The following SARAF variants were observed in gnomAD, a reference collection of about 807,000 sequenced individuals.
SARAF encodes the protein store-operated calcium entry associated regulatory factor.
Under a neutral mutation model 39.7 loss-of-function variants are expected in SARAF, and 23 were observed. The observed-to-expected ratio is 0.58, with a 90% CI of 0.42 to 0.82. The LOEUF is 0.82. SARAF is among the 40% of genes least tolerant of loss of function. SARAF has a pLI of 0.00. For missense variants in SARAF, 384 were observed against 418.5 expected, an observed-to-expected ratio of 0.92 and a Z score of 0.72; for synonymous variants, 175 against 168.5, an observed-to-expected ratio of 1.04 and a Z score of -0.30.
chr8:30,063,093 T>C lies in SARAF; in HGVS notation c.*795A>G, dbSNP rs1240190473. The C allele has an allele frequency of 6.6e-6, 1 of 152,224 alleles. No individual in the cohort carries two copies. Among genetic ancestry groups the C allele is most frequent in the African/African-American group, 2.4e-5 (1 of 41,468 alleles). The allele number at this position is 152,224 out of a possible 1,614,324, so 9.4% of individuals were successfully genotyped here. On this transcript the variant is annotated 3_prime_UTR_variant, in exon 6 of 6. Transcript: ENST00000256255. Reference sequence around the variant, plus strand: ...CCTAGGCTAATAGAAAGAATGAGACTAAACCCCTTGTTTGTTTTTATTGAT... The same window carrying C: ...CCTAGGCTAATAGAAAGAATGAGACCAAACCCCTTGTTTGTTTTTATTGAT...
chr8:30,068,529 T>A (rs1025977166), intron 3 of SARAF, among the ~76,000 whole-genome samples: 1 of 152,176 alleles, frequency 6.6e-6, no homozygotes. Flanking sequence ...ATAAATGTAA[T>A]ATGCTTTAAT....
At chr8:30,068,954 A>G (rs185489190) in intron 3 of SARAF, among the ~76,000 whole-genome samples, 22 of 152,078 alleles carry the variant, frequency 1.4e-4, no homozygotes, top group Admixed American at 8.5e-4. Flanking sequence ...TCCTAAGGTC[A>G]TAACAAATAT....
chr8:30,070,170 G>C, intron 2 of SARAF, 111 bp from the exon 3 acceptor site: 1 of 980,820 alleles, frequency 1.0e-6, no homozygotes, highest in African/African-American at 1.6e-5. Flanking sequence ...AGCACTTTCG[G>C]AGGCCAAGGC....
intron 3 of SARAF, among the ~76,000 whole-genome samples, chr8:30,067,844 T>C (rs1442166088): frequency 6.6e-6 from 1 of 152,208 alleles, no homozygotes; most frequent in African/African-American, 2.4e-5. Flanking sequence ...TCTTTCTTGG[T>C]GCACCATGCA....
intron 2 of SARAF, among the ~76,000 whole-genome samples, chr8:30,070,344 G>A (rs1386085616): frequency 6.6e-6 from 1 of 152,022 alleles, no homozygotes; most frequent in African/African-American, 2.4e-5. Flanking sequence ...GGAGGTGGAG[G>A]TTGCAGTGAG....
At chr8:30,072,855 A>C (rs1585439751) in intron 2 of SARAF, among the ~76,000 whole-genome samples, 1 of 152,246 alleles carries the variant, frequency 6.6e-6, no homozygotes, top group South Asian at 2.1e-4. Context: ...TTGTGTTGGG[A>C]CCTACATGTA....
At chr8:30,067,490 A>G (rs758071507) in intron 3 of SARAF, among the ~76,000 whole-genome samples, 13 of 152,326 alleles carry the variant, frequency 8.5e-5, no homozygotes, top group Non-Finnish European at 1.6e-4. Flanking sequence ...ACCACCACCC[A>G]CACCAATAAA....
At chr8:30,069,054 G>GA (rs1392582037) in intron 3 of SARAF, among the ~76,000 whole-genome samples, 1 of 151,492 alleles carries the variant, frequency 6.6e-6, no homozygotes, top group Non-Finnish European at 1.5e-5. Flanking sequence ...TGTATAGTGT[G>GA]AGACAGGAGT....
At chr8:30,073,832 G>T in intron 2 of SARAF, 45 bp downstream of exon 2, 1 of 1,553,262 alleles carries the variant, frequency 6.4e-7, no homozygotes, top group South Asian at 1.2e-5. Context: ...ACAATTTACT[G>T]AATAAAAACC....
Position 30,063,897 on chromosome 8 carries a change from C to T in SARAF, c.1011G>A (p.Arg337=), listed in dbSNP as rs569354669. Residue 337 remains arginine, a synonymous_variant, in exon 6 of 6, where the codon AGG becomes AGA. Coordinates refer to ENST00000256255, the MANE Select transcript of SARAF (RefSeq NM_016127.6). ...ACTCCAACTTTCTACTTTATCGTCT[C>T]CTGGTACCACCATATCCTAGAATGA... ...TRTASGYGGT[R]RR is the part of the protein sequence containing the mutation. 289 of 1,612,792 alleles carry T rather than the reference C, an allele frequency of 1.8e-4. No individual in the cohort carries two copies. Among genetic ancestry groups the T allele is most frequent in the Non-Finnish European group, 2.4e-4 (281 of 1,179,354 alleles).
In SARAF at chr8:30,077,617, C is replaced by T. The variant is rs192801536; in HGVS notation, c.104-3562G>A. Among the ~76,000 whole-genome samples the T allele has an allele frequency of 1.3e-4, 19 of 150,426 alleles. 1 individual carries two copies. In the East Asian group the frequency reaches 3.0e-3, roughly 24 times the overall value. On this transcript the variant is annotated intron_variant, in intron 1 of 5. Transcript: ENST00000256255. ...AAGAGATCAAGACCATCCTGGCGAA[C>T]ACGGTGAAACCCCGGCTCTACTAAA... is the stretch of plus-strand genomic sequence containing the variant.
At chr8:30,078,189 AAAAAAG>A in intron 1 of SARAF, 2 of 405,254 alleles carry the variant, frequency 4.9e-6, no homozygotes, top group South Asian at 1.8e-5. Context: ...GGAAAAAAAA[AAAAAAG>A]AAAGAAAGAA....
Position 30,066,069 on chromosome 8 carries a change from T to C in SARAF, c.913A>G (p.Arg305Gly). 3 of 1,614,154 alleles carry C rather than the reference T, an allele frequency of 1.9e-6. No individual in the cohort carries two copies. Among genetic ancestry groups the C allele is most frequent in the Non-Finnish European group, 2.5e-6 (3 of 1,180,018 alleles). Reference sequence around the variant, plus strand: ...CCTCCATGAAGGGGTGAGTAAGCCCTATTCCACGTGCCAGGGTAGGAGGGA... The same window carrying C: ...CCTCCATGAAGGGGTGAGTAAGCCCCATTCCACGTGCCAGGGTAGGAGGGA... Reference protein sequence around the residue: ...YPPSYPGTWNRAYSPLHGGSG... With the variant: ...YPPSYPGTWNGAYSPLHGGSG... Residue 305 changes from arginine (R) to glycine (G), a missense_variant, in exon 5 of 6, where the codon AGG (arginine) becomes GGG (glycine). Arg to Gly is a moderately radical substitution (Grantham distance 125). Transcript: ENST00000256255.
chr8:30,073,551 T>C, intron 2 of SARAF: 1 of 210,962 alleles, frequency 4.7e-6, no homozygotes, highest in Non-Finnish European at 9.5e-6. Context: ...GGTAGGTTGG[T>C]ATTCTTTGAG....
intron 1 of SARAF, among the ~76,000 whole-genome samples, chr8:30,076,520 A>G (rs4733316): frequency 0.98 from 149,734 of 152,346 alleles, 73,630 homozygotes; most frequent in Middle Eastern, 1. Flanking sequence ...GTTCCCCAGA[A>G]TTAACCATGA....
Position 30,082,974 on chromosome 8 carries a change from G to A in SARAF, c.-25C>T, listed in dbSNP as rs554222242. Reference sequence around the variant, plus strand: ...TGGCGCTCGATGAAGATGGCGCCGGGCTGCCAGACGCCTACGGGCCGAACC... The same window carrying A: ...TGGCGCTCGATGAAGATGGCGCCGGACTGCCAGACGCCTACGGGCCGAACC... On this transcript the variant is annotated 5_prime_UTR_variant, in exon 1 of 6. Coordinates refer to ENST00000256255, the MANE Select transcript of SARAF (RefSeq NM_016127.6). The A allele has an allele frequency of 1.4e-5, 22 of 1,524,440 alleles. No homozygotes were observed. Among genetic ancestry groups the A allele is most frequent in the South Asian group, 4.9e-5 (4 of 82,196 alleles). The allele number at this position is 1,524,440 out of a possible 1,614,324, so 94.4% of individuals were successfully genotyped here.
At chr8:30,073,787 G>A in intron 2 of SARAF, 90 bp downstream of exon 2, 11 of 1,144,674 alleles carry the variant, frequency 9.6e-6, no homozygotes, top group Non-Finnish European at 1.2e-6. Flanking sequence ...ATTTCCGTAG[G>A]TGCACCCTCA....
intron 3 of SARAF, among the ~76,000 whole-genome samples, chr8:30,068,766 T>TA (rs1202672772): frequency 1.3e-5 from 2 of 152,040 alleles, no homozygotes; most frequent in African/African-American, 4.8e-5. Context: ...ATACATTTTA[T>TA]ATATATATAT....
Position 30,069,503 on chromosome 8 carries a change from G to A in SARAF, c.700+139C>T, listed in dbSNP as rs1415552414. 5 of 878,438 alleles carry A rather than the reference G, an allele frequency of 5.7e-6. No individual in the cohort carries two copies. The East Asian group carries it at 9.9e-5, about 17-fold the overall frequency. The allele number at this position is 878,438 out of a possible 1,614,324, so 54.4% of individuals were successfully genotyped here. A position where few individuals can be genotyped will look rare whatever the true frequency, so the allele number is the denominator to read the frequency against. The stretch of plus-strand genomic sequence containing the variant: ...AGAGAGCCAAACAGAAGAGGTAAAA[G>A]AAGTTGAAAGTAAAAAACAAAATGA... On this transcript the variant is annotated intron_variant, in intron 3 of 5. Coordinates refer to ENST00000256255, the MANE Select transcript of SARAF (RefSeq NM_016127.6).
Sources: gnomAD v4.1 joint callset for allele counts (sites outside exome capture counted in the v4.1 genomes callset) on GRCh38, gnomAD v4.1.1 for gene constraint, MANE v1.5 for transcripts, NCBI Gene and HGNC (gene_info 2026-07-23, HGNC 2026-07-21) for gene names.